UMAD1: variants seen among roughly 807,000 people sequenced by gnomAD.
The protein encoded by UMAD1 is UBAP1-MVB12-associated (UMA)-domain containing protein 1.
In UMAD1, 8 loss-of-function variants were observed where a neutral mutation model predicts 6.1. The observed-to-expected ratio is 1.30, with a 90% confidence interval of 0.76 to 2.35. The LOEUF (loss-of-function observed/expected upper bound fraction) is 2.35, where lower values mean the gene tolerates loss of function less well. Ranked by LOEUF, UMAD1 falls within the 30% of genes most tolerant of loss-of-function variation. UMAD1 has a pLI of 0.00. For synonymous variants in UMAD1, 56 were observed against 31.4 expected (o/e 1.78, Z -2.61); for missense variants, 130 against 78.4 (o/e 1.66, Z -2.49).
intron 3 of UMAD1, among the ~76,000 whole-genome samples, chr7:7,871,173 G>C (rs1415062152): frequency 1.3e-5 from 2 of 152,156 alleles, no homozygotes; most frequent in Non-Finnish European, 2.9e-5. Context: ...CTGTCTGTAA[G>C]ATCTGTCACC....
chr7:7,682,324 C>A (rs376933239), intron 2 of UMAD1, among the ~76,000 whole-genome samples: 83 of 151,916 alleles, frequency 5.5e-4, no homozygotes, highest in African/African-American at 1.9e-3. Context: ...TTTCCAGTCT[C>A]AATGATCAGT....
chr7:7,807,395 C>T (rs564461289), intron 3 of UMAD1, among the ~76,000 whole-genome samples: 42 of 152,134 alleles, frequency 2.8e-4, no homozygotes, highest in African/African-American at 9.2e-4. Context: ...GCTTTACACA[C>T]GTGAATCTCA....
At chr7:7,872,297 G>A (rs1432612959) in intron 3 of UMAD1, among the ~76,000 whole-genome samples, 1 of 152,124 alleles carries the variant, frequency 6.6e-6, no homozygotes, top group African/African-American at 2.4e-5. Flanking sequence ...TCTATTAAGT[G>A]TGCAATAGCA....
intron 3 of UMAD1, among the ~76,000 whole-genome samples, chr7:7,873,684 C>T (rs979754409): frequency 1.3e-5 from 2 of 152,070 alleles, no homozygotes; most frequent in African/African-American, 2.4e-5. Flanking sequence ...TCTTGATGGC[C>T]TCTGTTTTAG....
intron 2 of UMAD1, among the ~76,000 whole-genome samples, chr7:7,699,950 G>A (rs912483317): frequency 1.3e-5 from 2 of 152,166 alleles, no homozygotes; most frequent in African/African-American, 4.8e-5. Flanking sequence ...ATAAATTCCT[G>A]AAGTGAAAGT....
intron 2 of UMAD1, among the ~76,000 whole-genome samples, chr7:7,783,557 G>T (rs762679360): frequency 6.6e-6 from 1 of 152,024 alleles, no homozygotes; most frequent in Non-Finnish European, 1.5e-5. Context: ...AGGATGAAGG[G>T]CACTAGCCAA....
intron 3 of UMAD1, among the ~76,000 whole-genome samples, chr7:7,833,535 A>T (rs778864281): frequency 1.3e-5 from 2 of 152,190 alleles, no homozygotes; most frequent in Non-Finnish European, 2.9e-5. Context: ...CAGGTGGTCA[A>T]CATGACTGGG....
Position 7,687,000 on chromosome 7 carries a change from G to T in UMAD1, c.82+13547G>T, listed in dbSNP as rs78811767. On this transcript the variant is annotated intron_variant, in intron 2 of 3. Transcript: ENST00000682710. Reference sequence around the variant, plus strand: ...GGTACGTTGTAAGGATAGCTGAAGAGTGAAGTCAAAGAGTTGTGAAGTTGC... The same window carrying T: ...GGTACGTTGTAAGGATAGCTGAAGATTGAAGTCAAAGAGTTGTGAAGTTGC... 2.0e-3 allele frequency among the ~76,000 whole-genome samples: 300 copies of T among 152,324 alleles called. 3 individuals are homozygous for T. Among genetic ancestry groups the T allele is most frequent in the African/African-American group, 7.0e-3 (290 of 41,566 alleles).
At chr7:7,731,235 C>A (rs1379890454) in intron 2 of UMAD1, among the ~76,000 whole-genome samples, 1 of 152,042 alleles carries the variant, frequency 6.6e-6, no homozygotes, top group East Asian at 1.9e-4. Context: ...CTCTTGACCT[C>A]GTGATCCACC....
intron 3 of UMAD1, among the ~76,000 whole-genome samples, chr7:7,808,824 C>T (rs533367326): frequency 3.9e-5 from 6 of 151,948 alleles, no homozygotes; most frequent in Admixed American, 2.6e-4. Flanking sequence ...TGAGTGATAA[C>T]GAATTCACAT....
chr7:7,737,687 T>G (rs1430175222), intron 2 of UMAD1, among the ~76,000 whole-genome samples: 1 of 152,240 alleles, frequency 6.6e-6, no homozygotes, highest in Admixed American at 6.5e-5. Context: ...TAATTGTGCT[T>G]ATATTTTCAC....
intron 2 of UMAD1, chr7:7,715,338 T>C (rs1780874379): frequency 6.6e-6 from 1 of 152,202 alleles, no homozygotes; most frequent in Non-Finnish European, 1.5e-5. Flanking sequence ...GAGTTGACCA[T>C]AGACCTTATA....
At chr7:7,842,989 A>G (rs1783712356) in intron 3 of UMAD1, among the ~76,000 whole-genome samples, 1 of 152,048 alleles carries the variant, frequency 6.6e-6, no homozygotes, top group African/African-American at 2.4e-5. Context: ...CCAAGTGGAT[A>G]CTCTTGCCAT....
At chr7:7,802,750 G>C (rs926568524) in intron 3 of UMAD1, among the ~76,000 whole-genome samples, 1 of 152,190 alleles carries the variant, frequency 6.6e-6, no homozygotes, top group African/African-American at 2.4e-5. Flanking sequence ...GACCTGGCCA[G>C]TGTGATTCAC....
At chr7:7,714,854 T>C (rs2115174650) in intron 2 of UMAD1, among the ~76,000 whole-genome samples, 2 of 129,454 alleles carry the variant, frequency 1.5e-5, no homozygotes, top group South Asian at 2.4e-4. Context: ...AAAATTTTTC[T>C]TTTTTTTTTT....
intron 3 of UMAD1, among the ~76,000 whole-genome samples, chr7:7,867,403 G>A (rs1169396535): frequency 1.3e-5 from 2 of 152,052 alleles, no homozygotes; most frequent in South Asian, 2.1e-4. Context: ...GAAGAGTAAA[G>A]GAACAGAAAT....
intron 2 of UMAD1, chr7:7,741,953 G>T: frequency 3.7e-6 from 1 of 272,742 alleles, no homozygotes; most frequent in Non-Finnish European, 7.2e-6. Context: ...TATAGTTATA[G>T]TGTTGAAAAA....
At chr7:7,677,675 T>TGG (rs71523787) in intron 2 of UMAD1, among the ~76,000 whole-genome samples, 1 of 123,768 alleles carries the variant, frequency 8.1e-6, no homozygotes, top group Non-Finnish European at 1.7e-5. Context: ...TTTTTTTTTT[T>TGG]TTTTTTTTTT....
At chr7:7,755,516 C>T (rs1265033304) in intron 2 of UMAD1, among the ~76,000 whole-genome samples, 1 of 152,186 alleles carries the variant, frequency 6.6e-6, no homozygotes, top group Non-Finnish European at 1.5e-5. Flanking sequence ...TCTGGTGGCA[C>T]TTTTTAAAAA....
Sources: allele counts gnomAD v4.1 joint callset (sites outside exome capture counted in the v4.1 genomes callset), GRCh38; gene constraint gnomAD v4.1.1; transcripts MANE v1.5; gene names NCBI Gene and HGNC (gene_info 2026-07-23, HGNC 2026-07-21).